DPP10: variants seen among roughly 807,000 people sequenced by gnomAD.
DPP10 encodes dipeptidyl peptidase like 10, also known as inactive dipeptidyl peptidase 10.
DPP10 carries 33 observed loss-of-function variants against 120.9 expected under a neutral mutation model. The ratio of observed to expected loss-of-function variants is 0.27; its 90% CI spans 0.21 to 0.37. DPP10 has a LOEUF of 0.37. Among genes scored for constraint, DPP10 ranks in the 10% least tolerant of loss-of-function variants. DPP10 has a pLI of 1.00. For synonymous variants in DPP10, 337 were observed against 326.1 expected (o/e 1.03, Z -0.36); for missense variants, 816 against 942.8 (o/e 0.87, Z 1.76).
chr2:115,205,185 G>A (rs2056035835), intron 1 of DPP10, among the ~76,000 whole-genome samples: 1 of 152,046 alleles, frequency 6.6e-6, no homozygotes, highest in South Asian at 2.1e-4. Flanking sequence ...GTCCAGAAGG[G>A]TATTTCCTAG....
chr2:114,992,427 G>C (rs1700803250), intron 1 of DPP10, among the ~76,000 whole-genome samples: 1 of 152,174 alleles, frequency 6.6e-6, no homozygotes, highest in Non-Finnish European at 1.5e-5. Context: ...TCCACAGATT[G>C]CTGCTGCTAC....
At chr2:115,589,460 A>G (rs2082490841) in intron 5 of DPP10, among the ~76,000 whole-genome samples, 1 of 152,116 alleles carries the variant, frequency 6.6e-6, no homozygotes, top group Non-Finnish European at 1.5e-5. Flanking sequence ...GAGATCACTC[A>G]CAGAATTCTG....
At position 115,375,708 on chromosome 2, in the gene DPP10, A is replaced by G. The variant is rs577914991; in HGVS notation, c.271+31796A>G. The stretch of plus-strand genomic sequence containing the variant: ...CAGTTCCACAGGCTTAACACAAATC[A>G]TGACTGGAAGATGTCAGGAAACTTG... On this transcript the variant is annotated intron_variant, in intron 3 of 25. Coordinates refer to ENST00000410059, the MANE Select transcript of DPP10 (RefSeq NM_020868.6). Among the ~76,000 whole-genome samples the G allele has an allele frequency of 3.3e-5, 5 of 152,328 alleles. No homozygotes were observed. In the East Asian group the frequency reaches 7.7e-4, roughly 23 times the overall value.
intron 1 of DPP10, among the ~76,000 whole-genome samples, chr2:114,673,272 G>A (rs1045993192): frequency 6.6e-6 from 1 of 152,036 alleles, no homozygotes; most frequent in African/African-American, 2.4e-5. Context: ...CCTAAGACGA[G>A]CGAATAGTTT....
chr2:115,713,180 T>A (rs1452931481), intron 7 of DPP10, among the ~76,000 whole-genome samples: 6 of 151,912 alleles, frequency 3.9e-5, no homozygotes, highest in African/African-American at 1.5e-4. Context: ...AATGAGCATC[T>A]TGAGGTGTGA....
At chr2:114,908,992 A>G (rs1020088802) in intron 1 of DPP10, among the ~76,000 whole-genome samples, 4 of 151,798 alleles carry the variant, frequency 2.6e-5, no homozygotes, top group African/African-American at 9.7e-5. Context: ...GTTGAAGTTA[A>G]TTAATTTTTT....
chr2:114,571,258 A>G (rs1360290678), intron 1 of DPP10, among the ~76,000 whole-genome samples: 2 of 152,022 alleles, frequency 1.3e-5, no homozygotes, highest in East Asian at 3.9e-4. Flanking sequence ...GAGTGAGTGA[A>G]TGAGTGAGTT....
At chr2:114,908,104 T>C (rs1694106949) in intron 1 of DPP10, among the ~76,000 whole-genome samples, 1 of 152,046 alleles carries the variant, frequency 6.6e-6, no homozygotes, top group Admixed American at 6.6e-5. Flanking sequence ...GATGATTTCA[T>C]CTGAAGTTAA....
intron 1 of DPP10, among the ~76,000 whole-genome samples, chr2:115,238,067 G>A (rs968305237): frequency 5.3e-5 from 8 of 152,140 alleles, no homozygotes; most frequent in African/African-American, 1.4e-4. Context: ...AGAAGATGGC[G>A]TCTAGGAATT....
At chr2:115,258,255 A>G (rs2105729252) in intron 1 of DPP10, among the ~76,000 whole-genome samples, 1 of 152,322 alleles carries the variant, frequency 6.6e-6, no homozygotes, top group East Asian at 1.9e-4. Flanking sequence ...AGCAGTGAAG[A>G]TGCTGCCAGT....
chr2:114,807,897 C>A (rs1388200381), intron 1 of DPP10, among the ~76,000 whole-genome samples: 1 of 152,192 alleles, frequency 6.6e-6, no homozygotes, highest in African/African-American at 2.4e-5. Context: ...CTGGAGTCTT[C>A]CTCATTTACA....
intron 1 of DPP10, among the ~76,000 whole-genome samples, chr2:115,278,533 A>G (rs1164331411): frequency 6.6e-6 from 1 of 152,134 alleles, no homozygotes. Flanking sequence ...CTGTACAAGA[A>G]GCACGGTGCC....
Position 114,962,470 on chromosome 2 carries a change from G to A in DPP10, c.61-346769G>A, listed in dbSNP as rs117978213. On this transcript the variant is annotated intron_variant, in intron 1 of 25. Coordinates refer to ENST00000410059, the MANE Select transcript of DPP10 (RefSeq NM_020868.6). ...ATATCTTTAGTTCAACCACCTAGGA[G>A]GAAAAAGTGTGCTTTTTTTCTTGTT... Among the ~76,000 whole-genome samples, 26 of 152,272 alleles carry A rather than the reference G, an allele frequency of 1.7e-4. No individual in the cohort carries two copies. In the East Asian group the frequency reaches 5.0e-3, roughly 29 times the overall value.
intron 1 of DPP10, among the ~76,000 whole-genome samples, chr2:115,260,480 CT>C (rs1266419328): frequency 6.6e-6 from 1 of 152,162 alleles, no homozygotes; most frequent in Non-Finnish European, 1.5e-5. Flanking sequence ...ATAAATCACT[CT>C]GCTGTGAAAT....
intron 1 of DPP10, among the ~76,000 whole-genome samples, chr2:114,581,041 C>A (rs555462793): frequency 6.6e-6 from 1 of 151,898 alleles, no homozygotes; most frequent in Admixed American, 6.6e-5. Context: ...TAGAATGCAT[C>A]CTCTGATTCA....
intron 1 of DPP10, among the ~76,000 whole-genome samples, chr2:115,222,931 A>G (rs890526496): frequency 6.6e-6 from 1 of 152,154 alleles, no homozygotes; most frequent in African/African-American, 2.4e-5. Context: ...GCATACCGAA[A>G]GAACAAAGGT....
intron 5 of DPP10, among the ~76,000 whole-genome samples, chr2:115,666,731 G>A (rs573933550): frequency 1.3e-5 from 2 of 152,270 alleles, no homozygotes; most frequent in African/African-American, 4.8e-5. Flanking sequence ...GTGTTCCTCT[G>A]TCTTTATGGT....
intron 4 of DPP10, among the ~76,000 whole-genome samples, chr2:115,515,851 A>G (rs2077477349): frequency 6.6e-6 from 1 of 152,098 alleles, no homozygotes. Flanking sequence ...TTACCCTTAA[A>G]TTTTCCTTCA....
At chr2:114,607,055 A>G (rs548789555) in intron 1 of DPP10, among the ~76,000 whole-genome samples, 9 of 152,322 alleles carry the variant, frequency 5.9e-5, no homozygotes, top group Admixed American at 1.3e-4. Context: ...GGGTTGTGAG[A>G]TACCCTTAAT....
Sources: gnomAD v4.1 joint callset for allele counts (sites outside exome capture counted in the v4.1 genomes callset) on GRCh38, gnomAD v4.1.1 for gene constraint, MANE v1.5 for transcripts, NCBI Gene and HGNC (gene_info 2026-07-23, HGNC 2026-07-21) for gene names.